TACC2: variants seen among roughly 807,000 people sequenced by gnomAD.
TACC2 encodes transforming acidic coiled-coil containing protein 2.
TACC2 carries 137 observed loss-of-function variants against 227.3 expected under a neutral mutation model. The ratio of observed to expected loss-of-function variants is 0.60; its 90% confidence interval spans 0.52 to 0.69. The LOEUF is 0.69. Ranked by LOEUF, TACC2 falls within the 30% of genes least tolerant of loss-of-function variation. The pLI is 0.00. For missense variants in TACC2, 3,470 were observed against 3,694.4 expected, an observed-to-expected ratio of 0.94 and a Z score of 1.57; for synonymous variants, 1,523 against 1,487.5, an observed-to-expected ratio of 1.02 and a Z score of -0.55.
At chr10:122,104,434 T>G (rs999453256) in intron 5 of TACC2, among the ~76,000 whole-genome samples, 1 of 152,138 alleles carries the variant, frequency 6.6e-6, no homozygotes, top group African/African-American at 2.4e-5. Flanking sequence ...AGTGGTGCGA[T>G]CTTGTCTCAT....
At chr10:122,129,785 T>C (rs2087676214) in intron 5 of TACC2, among the ~76,000 whole-genome samples, 1 of 152,194 alleles carries the variant, frequency 6.6e-6, no homozygotes, top group Non-Finnish European at 1.5e-5. Context: ...TCTGACTCCT[T>C]GGATGTGGTC....
At chr10:122,181,941 G>A (rs1447532092) in intron 7 of TACC2, among the ~76,000 whole-genome samples, 12 of 152,138 alleles carry the variant, frequency 7.9e-5, no homozygotes, top group African/African-American at 4.8e-5. Flanking sequence ...TTCCTTCCTC[G>A]TGATTGTACT....
chr10:122,009,594 A>G (rs1453269670), intron 1 of TACC2, among the ~76,000 whole-genome samples: 1 of 152,198 alleles, frequency 6.6e-6, no homozygotes, highest in African/African-American at 2.4e-5. Context: ...AATGGTACTT[A>G]ACAAAGTCTT....
intron 11 of TACC2, among the ~76,000 whole-genome samples, chr10:122,221,001 G>A (rs2095513769): frequency 1.3e-5 from 2 of 152,214 alleles, no homozygotes; most frequent in African/African-American, 4.8e-5. Flanking sequence ...TGCGTCTGTA[G>A]AATGAGGCTG....
At chr10:122,079,622 G>C (rs777554729) in intron 3 of TACC2, among the ~76,000 whole-genome samples, 1 of 152,236 alleles carries the variant, frequency 6.6e-6, no homozygotes, top group East Asian at 1.9e-4. Context: ...AAATGACGCC[G>C]CGTGTACTTC....
chr10:122,127,057 G>C lies in TACC2; in HGVS notation c.5574-5552G>C, dbSNP rs530241529. On this transcript the variant is annotated intron_variant, in intron 5 of 22. Coordinates refer to ENST00000369005, the MANE Select transcript of TACC2 (RefSeq NM_206862.4). ...CTGCCACGTGAAGATGCAGTGAGAA[G>C]GAGCTGTCTGTGAACTAGGAAGGGG... is the stretch of plus-strand genomic sequence containing the variant. The C allele has an allele frequency of 6.4e-5, 10 of 157,314 alleles. No individual in the cohort carries two copies. The South Asian group carries it at 1.7e-3, about 26-fold the overall frequency. 9.7% of individuals were successfully genotyped at this position (157,314 alleles called of 1,614,324 possible). A position where few individuals can be genotyped will look rare whatever the true frequency, so the allele number is the denominator to read the frequency against.
At chr10:122,127,388 T>G (rs1293482221) in intron 5 of TACC2, among the ~76,000 whole-genome samples, 5 of 152,226 alleles carry the variant, frequency 3.3e-5, no homozygotes, top group Non-Finnish European at 7.3e-5. Flanking sequence ...CTTTTAAGGC[T>G]GGAACCTGAA....
chr10:122,210,239 A>G lies in TACC2; in HGVS notation c.5972-158A>G. On this transcript the variant is annotated intron_variant, in intron 8 of 22. Transcript: ENST00000369005. This position sits in a 1 kb window ranked among gnomAD's most constrained non-coding sequence, Gnocchi z 4.6. ...GTCTTGAGCTAATTACGGGTAGGTC[A>G]GGTTCTGTACCCAAGTAGTACACAC... 1.5e-6 allele frequency: 1 copy of G among 649,628 alleles called. No individual in the cohort carries two copies. The highest frequency in any genetic ancestry group is 2.8e-6 in the Non-Finnish European group (1 of 358,438). 40.2% of individuals were successfully genotyped at this position (649,628 alleles called of 1,614,324 possible).
intron 18 of TACC2, chr10:122,241,711 C>T (rs1179482675): frequency 1.8e-6 from 1 of 567,328 alleles, no homozygotes. Context: ...TGCAGGCATG[C>T]ACCACTCTAC....
At chr10:122,120,407 C>G (rs1037350227) in intron 5 of TACC2, among the ~76,000 whole-genome samples, 11 of 152,164 alleles carry the variant, frequency 7.2e-5, no homozygotes, top group African/African-American at 2.7e-4. Context: ...GCACCCGCAG[C>G]CCTGGGAGGG....
At chr10:122,003,272 A>G (rs997878998) in intron 1 of TACC2, among the ~76,000 whole-genome samples, 1 of 150,352 alleles carries the variant, frequency 6.7e-6, no homozygotes, top group African/African-American at 2.4e-5. Flanking sequence ...TCTCTACTTC[A>G]TCTATTTCTG....
intron 3 of TACC2, among the ~76,000 whole-genome samples, chr10:122,075,079 C>T (rs1565217470): frequency 4.6e-5 from 7 of 151,888 alleles, no homozygotes; most frequent in Admixed American, 3.9e-4. Flanking sequence ...GAAATAGATG[C>T]CACAGTCAGA....
chr10:122,140,899 A>G (rs923793718), intron 6 of TACC2, among the ~76,000 whole-genome samples: 1 of 152,166 alleles, frequency 6.6e-6, no homozygotes, highest in Non-Finnish European at 1.5e-5. Context: ...TGCCGTGGAA[A>G]GTCAGGGAGG....
At chr10:122,184,944 A>G (rs1255956747) in intron 7 of TACC2, among the ~76,000 whole-genome samples, 1 of 148,384 alleles carries the variant, frequency 6.7e-6, no homozygotes, top group Non-Finnish European at 1.5e-5. Context: ...GGGAAGCTCT[A>G]GTGGTTGGCC....
intron 7 of TACC2, chr10:122,163,865 G>T: frequency 7.2e-6 from 11 of 1,522,334 alleles, no homozygotes; most frequent in South Asian, 1.2e-5. Context: ...CCGGCTGCAG[G>T]AATCGCGCCA....
At chr10:122,063,831 TACACAC>T (rs139868618) in intron 3 of TACC2, among the ~76,000 whole-genome samples, 185 of 146,440 alleles carry the variant, frequency 1.3e-3, no homozygotes, top group Middle Eastern at 7.1e-3. Context: ...TATTATATAA[TACACAC>T]ACACACACAC....
intron 3 of TACC2, among the ~76,000 whole-genome samples, chr10:122,054,775 G>T (rs2076051649): frequency 6.6e-6 from 1 of 152,182 alleles, no homozygotes; most frequent in South Asian, 2.1e-4. Flanking sequence ...TCTGACCACA[G>T]TGCTTAGGCT....
chr10:122,209,687 A>ATTG lies in TACC2; in HGVS notation c.5972-707_5972-705dup, dbSNP rs1364383089. Among the ~76,000 whole-genome samples the ATTG allele has an allele frequency of 1.3e-5, 2 of 151,812 alleles. No individual in the cohort carries two copies. Among genetic ancestry groups the ATTG allele is most frequent in the Admixed American group, 1.3e-4 (2 of 15,252 alleles). ...TGTATCACCCTCTGAAATTCTGTAC[A>ATTG]TTGTTTGTTTGTTTTTGAGACAGAG... On this transcript the variant is annotated intron_variant, in intron 8 of 22. Transcript: ENST00000369005. The surrounding 1 kb of genome is among the most constrained non-coding windows in gnomAD (Gnocchi z 4.5).
rs1463926723 is a variant in TACC2, at chr10:122,150,017, G to C, written c.5834+6311G>C. Among the ~76,000 whole-genome samples, 6 of 152,216 alleles carry C rather than the reference G, an allele frequency of 3.9e-5. No individual in the cohort carries two copies. Among genetic ancestry groups the C allele is most frequent in the Non-Finnish European group, 7.3e-5 (5 of 68,046 alleles). ...GCTGCCGCGGAGTGGGTGCTGGGCTGTCCCGCTGGCTTCAGCCTGAGGAGC... is the reference window on the plus strand; with the variant it reads ...GCTGCCGCGGAGTGGGTGCTGGGCTCTCCCGCTGGCTTCAGCCTGAGGAGC... On this transcript the variant is annotated intron_variant, in intron 7 of 22. Transcript: ENST00000369005. The surrounding 1 kb of genome is among the most constrained non-coding windows in gnomAD (Gnocchi z 4.0).
Sources: allele counts gnomAD v4.1 joint callset (sites outside exome capture counted in the v4.1 genomes callset), GRCh38; gene constraint gnomAD v4.1.1; non-coding constraint Gnocchi (gnomAD v3.1); transcripts MANE v1.5; gene names NCBI Gene and HGNC (gene_info 2026-07-23, HGNC 2026-07-21).